The following DPYD variants were observed in gnomAD, a reference collection of about 807,000 sequenced individuals.
DPYD encodes the protein dihydropyrimidine dehydrogenase [NADP(+)].
DPYD carries 109 observed loss-of-function variants against 116.2 expected under a neutral mutation model. That is an observed-to-expected ratio of 0.94 (90% confidence interval 0.80 to 1.10). The LOEUF (loss-of-function observed/expected upper bound fraction) is 1.10, where lower values mean the gene tolerates loss of function less well. DPYD is among the 50% of genes least tolerant of loss of function. The probability of loss-of-function intolerance (pLI) is 0.00; values close to 1 mark genes in which losing one functional copy is unlikely to be tolerated. For missense variants in DPYD, 1,302 were observed against 1,254.5 expected (o/e 1.04, Z -0.57); for synonymous variants, 440 against 432.0 (o/e 1.02, Z -0.23).
At position 97,212,251 on chromosome 1, in the gene DPYD, C is replaced by T. The variant is rs115054829; in HGVS notation, c.2443-19003G>A. 8.2e-3 allele frequency among the ~76,000 whole-genome samples: 1,253 copies of T among 152,204 alleles called. 19 individuals are homozygous for T. The highest frequency in any genetic ancestry group is 0.028 in the African/African-American group (1,172 of 41,542). ...CACCTCCCCAAGCTTCAAGAAACTA[C>T]TGATTCGTTGTCCTCATAATTTTGT... On this transcript the variant is annotated intron_variant, in intron 19 of 22. Transcript: ENST00000370192.
intron 3 of DPYD, among the ~76,000 whole-genome samples, chr1:97,751,755 C>T (rs895418569): frequency 1.6e-5 from 2 of 128,406 alleles, no homozygotes; most frequent in Admixed American, 9.0e-5. Flanking sequence ...AGTGACAGAA[C>T]GCTGTCTCTA....
chr1:97,386,608 T>C lies in DPYD; in HGVS notation c.1906-4147A>G, dbSNP rs2101585307. Among the ~76,000 whole-genome samples the C allele has an allele frequency of 3.3e-5, 5 of 152,280 alleles. No individual in the cohort carries two copies. In the Middle Eastern group the frequency reaches 0.014, roughly 414 times the overall value. On this transcript the variant is annotated intron_variant, in intron 14 of 22. Coordinates refer to ENST00000370192, the MANE Select transcript of DPYD (RefSeq NM_000110.4). ...ATTACTACATGCAAAACTAAAGTTG[T>C]CATGTTTTGAAGAAATTTTCAAAGC...
At chr1:97,332,476 A>G (rs898519625) in intron 16 of DPYD, among the ~76,000 whole-genome samples, 1 of 152,224 alleles carries the variant, frequency 6.6e-6, no homozygotes, top group African/African-American at 2.4e-5. Context: ...TTATTGAACT[A>G]GGAATTCTGA....
chr1:97,744,173 A>G (rs553563812), intron 3 of DPYD, among the ~76,000 whole-genome samples: 2 of 152,192 alleles, frequency 1.3e-5, no homozygotes, highest in South Asian at 2.1e-4. Context: ...TATTAAAGAT[A>G]TATTTATCCA....
intron 2 of DPYD, among the ~76,000 whole-genome samples, chr1:97,839,587 T>C (rs990985954): frequency 1.3e-5 from 2 of 152,154 alleles, no homozygotes; most frequent in African/African-American, 4.8e-5. Context: ...TTCTCAATAT[T>C]ACATATTTTA....
At chr1:97,450,329 C>T (rs1204944676) in intron 13 of DPYD, 106 bp from the exon 14 acceptor site, 1 of 1,252,232 alleles carries the variant, frequency 8.0e-7, no homozygotes, top group African/African-American at 1.5e-5. Flanking sequence ...TCCCTTCTCA[C>T]ATTTTTGCAG....
intron 12 of DPYD, among the ~76,000 whole-genome samples, chr1:97,547,620 G>A (rs113819195): frequency 0.014 from 2,120 of 152,042 alleles, 54 homozygotes; most frequent in African/African-American, 0.048. Context: ...CTGAATCAAA[G>A]CTTTGTCTCT....
intron 19 of DPYD, among the ~76,000 whole-genome samples, chr1:97,222,673 A>T (rs1225242845): frequency 6.6e-6 from 1 of 151,982 alleles, no homozygotes; most frequent in Non-Finnish European, 1.5e-5. Flanking sequence ...AACTAAAAGC[A>T]TTTTTTTCTT....
At chr1:97,612,363 A>G (rs1321073521) in intron 8 of DPYD, among the ~76,000 whole-genome samples, 1 of 152,006 alleles carries the variant, frequency 6.6e-6, no homozygotes, top group African/African-American at 2.4e-5. Context: ...CTTTTCACAC[A>G]AGTGGGTCTA....
intron 19 of DPYD, among the ~76,000 whole-genome samples, chr1:97,206,979 C>T (rs1659684322): frequency 6.6e-6 from 1 of 151,722 alleles, no homozygotes; most frequent in Admixed American, 6.6e-5. Flanking sequence ...TAAATAACTG[C>T]ACAATAGGTA....
chr1:97,542,709 T>C (rs1407009303), intron 12 of DPYD, among the ~76,000 whole-genome samples: 3 of 152,190 alleles, frequency 2.0e-5, no homozygotes, highest in African/African-American at 7.2e-5. Context: ...TACTAGACAA[T>C]AGGATTCTTA....
intron 3 of DPYD, among the ~76,000 whole-genome samples, chr1:97,819,325 G>A (rs1276107569): frequency 6.6e-6 from 1 of 151,812 alleles, no homozygotes; most frequent in Non-Finnish European, 1.5e-5. Flanking sequence ...TTTTAGAAAT[G>A]ATTAAAATAG....
At chr1:97,609,564 C>T (rs529659686) in intron 8 of DPYD, among the ~76,000 whole-genome samples, 3 of 152,066 alleles carry the variant, frequency 2.0e-5, no homozygotes, top group East Asian at 1.9e-4. Context: ...TCCTTATGCT[C>T]ATTTACAGAT....
intron 16 of DPYD, among the ~76,000 whole-genome samples, chr1:97,340,979 A>G (rs1473410247): frequency 6.6e-6 from 1 of 152,190 alleles, no homozygotes; most frequent in African/African-American, 2.4e-5. Context: ...ATCTAAATCT[A>G]AACCAACAGA....
At chr1:97,614,840 T>A (rs1656168607) in intron 8 of DPYD, among the ~76,000 whole-genome samples, 1 of 152,132 alleles carries the variant, frequency 6.6e-6, no homozygotes, top group African/African-American at 2.4e-5. Flanking sequence ...CAATTCTTAG[T>A]GACTAAAATC....
intron 14 of DPYD, among the ~76,000 whole-genome samples, chr1:97,438,101 T>A (rs1391806431): frequency 6.6e-6 from 1 of 152,070 alleles, no homozygotes; most frequent in Non-Finnish European, 1.5e-5. Flanking sequence ...TTGCCTATCT[T>A]TATGCCAACA....
chr1:97,849,110 T>C lies in DPYD; in HGVS notation c.151-20914A>G, dbSNP rs181248639. Among the ~76,000 whole-genome samples, 822 of 152,280 alleles carry C rather than the reference T, an allele frequency of 5.4e-3. 9 individuals carry two copies. Among genetic ancestry groups the C allele is most frequent in the African/African-American group, 0.018 (733 of 41,556 alleles). ...AGCATTAGATAACCAAATTACCATATTATTGTGATACTGAAGTCACTTAAA... is the reference window on the plus strand; with the variant it reads ...AGCATTAGATAACCAAATTACCATACTATTGTGATACTGAAGTCACTTAAA... On this transcript the variant is annotated intron_variant, in intron 2 of 22. Transcript: ENST00000370192.
chr1:97,222,661 T>G (rs1436326695), intron 19 of DPYD, among the ~76,000 whole-genome samples: 5 of 152,134 alleles, frequency 3.3e-5, no homozygotes, highest in Non-Finnish European at 5.9e-5. Context: ...ATTGAATGGA[T>G]AAACTAAAAG....
At chr1:97,820,940 AG>A (rs1347703623) in intron 3 of DPYD, among the ~76,000 whole-genome samples, 1 of 152,114 alleles carries the variant, frequency 6.6e-6, no homozygotes, top group Non-Finnish European at 1.5e-5. Context: ...TTTATTAATG[AG>A]TATATTCTAT....
Sources: gnomAD v4.1 joint callset for allele counts (sites outside exome capture counted in the v4.1 genomes callset) on GRCh38, gnomAD v4.1.1 for gene constraint, MANE v1.5 for transcripts, NCBI Gene and HGNC (gene_info 2026-07-23, HGNC 2026-07-21) for gene names.